Variants in BRD4 observed in about 807,000 individuals in gnomAD.
BRD4 encodes the protein bromodomain containing 4.
Under a neutral mutation model 142.1 loss-of-function variants are expected in BRD4, and 16 were observed. The observed-to-expected ratio is 0.11, with a 90% CI of 0.08 to 0.17. The LOEUF is 0.17. Ranked by LOEUF, BRD4 falls within the 10% of genes least tolerant of loss-of-function variation. The pLI is 1.00. For synonymous variants in BRD4, 833 were observed against 707.5 expected (o/e 1.18, Z -2.82); for missense variants, 1,424 against 1,810.9 (o/e 0.79, Z 3.88).
chr19:15,270,573 G>C (rs2047576127), intron 2 of BRD4, among the ~76,000 whole-genome samples: 1 of 152,170 alleles, frequency 6.6e-6, no homozygotes, highest in Non-Finnish European at 1.5e-5. Context: ...TGTCTCAATG[G>C]CCAACAGAAT....
intron 11 of BRD4, chr19:15,248,452 G>A (rs2047311576): frequency 4.6e-6 from 1 of 219,262 alleles, no homozygotes; most frequent in Non-Finnish European, 9.1e-6. Flanking sequence ...GGGTTGGGGG[G>A]ATGATAGGCC....
In BRD4 at chr19:15,244,616, C is replaced by G. The variant is rs772573688; in HGVS notation, c.2212-16G>C. The G allele has an allele frequency of 2.5e-6, 4 of 1,610,812 alleles. No individual in the cohort carries two copies. The highest frequency in any genetic ancestry group is 1.7e-5 in the Admixed American group (1 of 59,830). On this transcript the variant is annotated splice_polypyrimidine_tract_variant and intron_variant, in intron 12 of 19. Transcript: ENST00000679869. ...GATGATGGTGCTGCAGACAGAGAGA[C>G]AGACAGACAGACAGGCTGATGTCAG...
chr19:15,254,021 A>G (rs2047378902), intron 11 of BRD4, 131 bp downstream of exon 11: 1 of 786,040 alleles, frequency 1.3e-6, no homozygotes, highest in Middle Eastern at 2.8e-4. Context: ...AAAGAGACAG[A>G]CAGACAGAGG....
At chr19:15,331,977 GCGCCCGCGCCCCC>G (rs1449173239) in intron 1 of BRD4, 1 of 119,748 alleles carries the variant, frequency 8.4e-6, no homozygotes, top group African/African-American at 3.1e-5. Flanking sequence ...CCCCGCCGCG[GCGCCCGCGCCCCC>G]CACCCGCGCC....
At chr19:15,253,629 A>G in intron 11 of BRD4, 1 of 1,596,802 alleles carries the variant, frequency 6.3e-7, no homozygotes. Context: ...AGGTGATGGC[A>G]GGGCCAGCAG....
At chr19:15,275,006 G>T (rs1331321602) in intron 1 of BRD4, among the ~76,000 whole-genome samples, 2 of 152,016 alleles carry the variant, frequency 1.3e-5, no homozygotes, top group Non-Finnish European at 2.9e-5. Context: ...TTACAGGCGT[G>T]TGCCACCATG....
intron 1 of BRD4, among the ~76,000 whole-genome samples, chr19:15,304,124 C>T (rs561850148): frequency 1.3e-5 from 2 of 152,352 alleles, no homozygotes; most frequent in East Asian, 3.9e-4. Flanking sequence ...CTTTTTTACA[C>T]TTACCACATA....
chr19:15,280,875 T>C (rs578147961), intron 1 of BRD4, among the ~76,000 whole-genome samples: 105 of 152,308 alleles, frequency 6.9e-4, no homozygotes, highest in Middle Eastern at 3.4e-3. Flanking sequence ...CCTGGTAATT[T>C]CTCAATACAA....
intron 14 of BRD4, 33 bp downstream of exon 14, chr19:15,242,867 C>T (rs1417177265): frequency 6.3e-7 from 1 of 1,584,848 alleles, no homozygotes; most frequent in Non-Finnish European, 8.6e-7. Context: ...CCAGCACCAG[C>T]CTCCCCAGAG....
At chr19:15,297,211 TAACAA>T (rs2047830369) in intron 1 of BRD4, among the ~76,000 whole-genome samples, 1 of 152,206 alleles carries the variant, frequency 6.6e-6, no homozygotes, top group African/African-American at 2.4e-5. Context: ...GCTACATTCT[TAACAA>T]AAGACACAAC....
intron 1 of BRD4, among the ~76,000 whole-genome samples, chr19:15,308,544 G>T (rs576071657): frequency 6.9e-6 from 1 of 144,654 alleles, no homozygotes; most frequent in Admixed American, 6.9e-5. Context: ...CCAAGATTGC[G>T]CCACTGCACT....
rs1054561696 is a variant in BRD4 at position 15,302,850 on chromosome 19, CA to C, written c.-35+29439del. On this transcript the variant is annotated intron_variant, in intron 1 of 19. Coordinates refer to ENST00000679869, the MANE Select transcript of BRD4 (RefSeq NM_001379291.1). The stretch of plus-strand genomic sequence containing the variant: ...GAAACCCCGTCTCTACTAAAAAATA[CA>C]AAAAAAATTAGCCAGGCGTGGTGGC... Among the ~76,000 whole-genome samples the C allele has an allele frequency of 6.6e-5, 10 of 150,432 alleles. No homozygotes were observed. In the East Asian group the frequency reaches 1.4e-3, roughly 21 times the overall value.
Position 15,243,247 on chromosome 19 carries a change from G to C in BRD4, c.2822C>G (p.Pro941Arg). 1 of 1,449,490 alleles carries C rather than the reference G, an allele frequency of 6.9e-7. No homozygotes were observed. The highest frequency in any genetic ancestry group is 9.2e-7 in the Non-Finnish European group (1 of 1,083,778). The allele number at this position is 1,449,490 out of a possible 1,614,324, so 89.8% of individuals were successfully genotyped here. Residue 941 changes from proline (P) to arginine (R), a missense_variant, in exon 14 of 20, where the codon CCT (proline) becomes CGT (arginine). Physicochemically the swap from Pro to Arg is moderately radical, Grantham distance 103. Coordinates refer to ENST00000679869, the MANE Select transcript of BRD4 (RefSeq NM_001379291.1). The stretch of plus-strand genomic sequence containing the variant: ...CTTCACGGAAGGGAGTAGCGGCGTA[G>C]GGGGCTGCACCTTCTGCAGCTGCTG... ...YLQQLQKVQP[P>R]TPLLPSVKVQ...
At chr19:15,248,663 G>A (rs1014497573) in intron 11 of BRD4, 12 of 227,332 alleles carry the variant, frequency 5.3e-5, no homozygotes, top group South Asian at 1.8e-4. Flanking sequence ...GTCAGCGGTG[G>A]CTCGAGCCTT....
intron 1 of BRD4, among the ~76,000 whole-genome samples, chr19:15,310,428 T>TAGG (rs2047959727): frequency 7.9e-6 from 1 of 127,330 alleles, no homozygotes; most frequent in Non-Finnish European, 1.6e-5. Context: ...TGGCGCGATC[T>TAGG]AGGCTCACTG....
At chr19:15,272,246 G>A (rs187273197) in intron 2 of BRD4, among the ~76,000 whole-genome samples, 200 of 152,170 alleles carry the variant, frequency 1.3e-3, no homozygotes, top group African/African-American at 4.5e-3. Flanking sequence ...GAGGGAGGGA[G>A]GGCAACACCA....
chr19:15,293,177 G>A (rs1476141092), intron 1 of BRD4, among the ~76,000 whole-genome samples: 1 of 152,126 alleles, frequency 6.6e-6, no homozygotes, highest in Non-Finnish European at 1.5e-5. Flanking sequence ...CTGAACCTCA[G>A]GTGCCAATAT....
chr19:15,239,173 C>T lies in BRD4; in HGVS notation c.3668G>A (p.Ser1223Asn). ...PSSTAKSSSD[S>N]FEQFRRAARE... is the part of the protein sequence containing the mutation. Reference sequence around the variant, plus strand: ...AGCGGCGCGGCGGAACTGCTCGAAGCTGTCGCTGGATGACTTGGCTGTGGA... The same window carrying T: ...AGCGGCGCGGCGGAACTGCTCGAAGTTGTCGCTGGATGACTTGGCTGTGGA... Residue 1223 changes from serine (S) to asparagine (N), a missense_variant, in exon 18 of 20, where the codon AGC becomes AAC. Transcript: ENST00000679869. This position sits in a 1 kb window ranked among gnomAD's most constrained non-coding sequence, Gnocchi z 7.4. 1 of 1,613,112 alleles carries T rather than the reference C, an allele frequency of 6.2e-7. No individual in the cohort carries two copies. The highest frequency in any genetic ancestry group is 8.5e-7 in the Non-Finnish European group (1 of 1,180,016).
At chr19:15,327,604 T>C (rs942531567) in intron 1 of BRD4, among the ~76,000 whole-genome samples, 1 of 151,992 alleles carries the variant, frequency 6.6e-6, no homozygotes, top group Non-Finnish European at 1.5e-5. Context: ...CTATTCACAA[T>C]TGCCAAAAAG....
Sources: gnomAD v4.1 joint callset for allele counts (sites outside exome capture counted in the v4.1 genomes callset) on GRCh38, gnomAD v4.1.1 for gene constraint, Gnocchi (gnomAD v3.1) non-coding constraint, MANE v1.5 for transcripts, NCBI Gene and HGNC (gene_info 2026-07-23, HGNC 2026-07-21) for gene names.